ACACA: variants seen among roughly 807,000 people sequenced by gnomAD.
ACACA encodes the protein acetyl-CoA carboxylase alpha, also known as acetyl-CoA carboxylase 1.
ACACA carries 103 observed loss-of-function variants against 296.1 expected under a neutral mutation model. The observed-to-expected ratio is 0.35, with a 90% CI of 0.30 to 0.41. The LOEUF (loss-of-function observed/expected upper bound fraction) is 0.41. Ranked by LOEUF, ACACA falls within the 10% of genes least tolerant of loss-of-function variation. The pLI is 1.00. For synonymous variants in ACACA, 953 were observed against 1,038.6 expected (o/e 0.92, Z 1.58); for missense variants, 1,554 against 2,989.7 (o/e 0.52, Z 11.20).
At chr17:37,267,787 G>A (rs1160896094) in intron 10 of ACACA, among the ~76,000 whole-genome samples, 1 of 143,304 alleles carries the variant, frequency 7.0e-6, no homozygotes, top group African/African-American at 2.6e-5. Flanking sequence ...TTAAGACAAT[G>A]TCTTGCTCTG....
chr17:37,400,262 G>A (rs1239164751), intron 1 of ACACA, among the ~76,000 whole-genome samples: 6 of 152,052 alleles, frequency 3.9e-5, no homozygotes, highest in African/African-American at 1.4e-4. Context: ...TGGGATTACA[G>A]GCATGCACCA....
intron 31 of ACACA, among the ~76,000 whole-genome samples, chr17:37,207,415 T>G (rs2078554474): frequency 1.3e-5 from 2 of 152,168 alleles, no homozygotes; most frequent in Admixed American, 1.3e-4. Flanking sequence ...GAAAAGATGG[T>G]TTTTGTTTGT....
chr17:37,120,555 C>A (rs1294012627), intron 50 of ACACA, among the ~76,000 whole-genome samples: 1 of 151,876 alleles, frequency 6.6e-6, no homozygotes, highest in Non-Finnish European at 1.5e-5. Context: ...GTGAGCCACC[C>A]CGCCTGGCCC....
intron 1 of ACACA, chr17:37,388,807 T>C (rs748559497): frequency 1.2e-6 from 2 of 1,612,688 alleles, no homozygotes; most frequent in Non-Finnish European, 1.7e-6. Flanking sequence ...AAGTTTGCTG[T>C]TGTATTGAAT....
At chr17:37,394,677 C>T (rs1300287697) in intron 1 of ACACA, among the ~76,000 whole-genome samples, 1 of 148,586 alleles carries the variant, frequency 6.7e-6, no homozygotes, top group Non-Finnish European at 1.5e-5. Context: ...GAGATCGAGA[C>T]CATCCTGGCT....
chr17:37,157,084 T>G (rs1299703803), intron 42 of ACACA, among the ~76,000 whole-genome samples: 2 of 152,034 alleles, frequency 1.3e-5, no homozygotes, highest in Non-Finnish European at 2.9e-5. Flanking sequence ...ATAAGTAAAA[T>G]GTATAATGTA....
intron 3 of ACACA, among the ~76,000 whole-genome samples, chr17:37,291,698 T>C (rs1401933303): frequency 6.6e-6 from 1 of 152,200 alleles, no homozygotes; most frequent in African/African-American, 2.4e-5. Context: ...TGTTTACATA[T>C]AAGCCCCAAA....
intron 3 of ACACA, among the ~76,000 whole-genome samples, chr17:37,326,598 A>C: frequency 6.6e-6 from 1 of 152,074 alleles, no homozygotes; most frequent in Non-Finnish European, 1.5e-5. Context: ...TGGGAGGCTG[A>C]GGCGGGCAGA....
intron 41 of ACACA, among the ~76,000 whole-genome samples, chr17:37,170,742 A>G (rs1418280883): frequency 6.6e-6 from 1 of 152,232 alleles, no homozygotes; most frequent in Non-Finnish European, 1.5e-5. Flanking sequence ...TCTGACACAA[A>G]GTGTCAACAC....
Position 37,406,380 on chromosome 17 carries a change from TC to T in ACACA, c.-82del. ...TTTCCAAAGAAGACAATTTCGACGT[TC>T]CAGGAGCATCTGATTGAAACGCACC... is the stretch of plus-strand genomic sequence containing the variant. On this transcript the variant is annotated 5_prime_UTR_variant, in exon 1 of 56. It removes the in-frame stop codon of an upstream open reading frame in the 5' UTR. Coordinates refer to ENST00000616317, the MANE Select transcript of ACACA (RefSeq NM_198834.3). 1 of 1,487,760 alleles carries T rather than the reference TC, an allele frequency of 6.7e-7. No individual in the cohort carries two copies. Among genetic ancestry groups the T allele is most frequent in the Non-Finnish European group, 9.4e-7 (1 of 1,065,494 alleles). 92.2% of individuals were successfully genotyped at this position (1,487,760 alleles called of 1,614,324 possible).
intron 24 of ACACA, among the ~76,000 whole-genome samples, chr17:37,236,430 C>G (rs932390480): frequency 1.8e-4 from 27 of 151,498 alleles, no homozygotes; most frequent in Admixed American, 5.2e-4. Context: ...ACACATTTAC[C>G]CGGGGTGAGG....
intron 25 of ACACA, among the ~76,000 whole-genome samples, chr17:37,229,614 T>C (rs1044263347): frequency 9.2e-5 from 14 of 151,800 alleles, no homozygotes; most frequent in African/African-American, 3.4e-4. Flanking sequence ...TTACAGATCA[T>C]GCTCTAACTT....
chr17:37,205,264 T>TC (rs755518813), intron 33 of ACACA, among the ~76,000 whole-genome samples: 1 of 151,936 alleles, frequency 6.6e-6, no homozygotes, highest in Non-Finnish European at 1.5e-5. Context: ...ATGAGGGGAT[T>TC]GGAGAGGGAC....
At chr17:37,124,418 A>G (rs557681321) in intron 48 of ACACA, among the ~76,000 whole-genome samples, 125 of 152,340 alleles carry the variant, frequency 8.2e-4, no homozygotes, top group African/African-American at 2.7e-3. Context: ...GAACTTAACA[A>G]AGGTTTGGCT....
rs9910658 is a variant in ACACA at position 37,297,505 on chromosome 17, G to A, written c.339-12535C>T. Among the ~76,000 whole-genome samples the A allele has an allele frequency of 9.3e-3, 1,365 of 146,146 alleles. 19 individuals carry two copies. The highest frequency in any genetic ancestry group is 0.034 in the African/African-American group (1,294 of 37,930). ...TGTACATATATATGTATATATGTGC[G>A]TGTGTTTGTGTATGTATATGTGTGT... On this transcript the variant is annotated intron_variant, in intron 3 of 55. Coordinates refer to ENST00000616317, the MANE Select transcript of ACACA (RefSeq NM_198834.3).
At chr17:37,398,217 G>A (rs955021466) in intron 1 of ACACA, among the ~76,000 whole-genome samples, 22 of 118,562 alleles carry the variant, frequency 1.9e-4, no homozygotes, top group African/African-American at 6.2e-4. Flanking sequence ...GTGACAGAGC[G>A]AGACTCTGTC....
chr17:37,324,612 G>T (rs1369446448), intron 3 of ACACA, among the ~76,000 whole-genome samples: 1 of 150,950 alleles, frequency 6.6e-6, no homozygotes, highest in Non-Finnish European at 1.5e-5. Context: ...AGAGGTTGCA[G>T]TGAGCTGAGA....
intron 1 of ACACA, among the ~76,000 whole-genome samples, chr17:37,405,260 GC>G (rs922333456): frequency 2.0e-5 from 3 of 152,068 alleles, no homozygotes; most frequent in Non-Finnish European, 2.9e-5. Context: ...CATAAAACTT[GC>G]CACATTACTG....
chr17:37,183,707 C>T (rs917053125), intron 39 of ACACA, among the ~76,000 whole-genome samples: 1 of 151,526 alleles, frequency 6.6e-6, no homozygotes, highest in South Asian at 2.1e-4. Context: ...TGGTGTGAAC[C>T]CGGGAGGTAG....
Sources: gnomAD v4.1 joint callset for allele counts (sites outside exome capture counted in the v4.1 genomes callset) on GRCh38, gnomAD v4.1.1 for gene constraint, MANE v1.5 for transcripts, NCBI Gene and HGNC (gene_info 2026-07-23, HGNC 2026-07-21) for gene names.